The following KHDRBS2 variants were observed in gnomAD, a reference collection of about 807,000 sequenced individuals.
The protein encoded by KHDRBS2 is KH domain-containing, RNA-binding, signal transduction-associated protein 2.
A neutral mutation model predicts 44.3 loss-of-function variants in KHDRBS2; 26 were observed. That is an observed-to-expected ratio of 0.59 (90% confidence interval 0.43 to 0.81). The LOEUF is 0.81. Among genes scored for constraint, KHDRBS2 ranks in the 40% least tolerant of loss-of-function variants. KHDRBS2 has a pLI of 0.00. For missense variants in KHDRBS2, 476 were observed against 433.1 expected, an observed-to-expected ratio of 1.10 and a Z score of -0.88; for synonymous variants, 194 against 151.1, an observed-to-expected ratio of 1.28 and a Z score of -2.08.
chr6:62,207,532 A>G (rs1284611163), intron 1 of KHDRBS2, among the ~76,000 whole-genome samples: 1 of 152,152 alleles, frequency 6.6e-6, no homozygotes, highest in Non-Finnish European at 1.5e-5. Flanking sequence ...CTAAAGCCAA[A>G]GTAAAAATCC....
rs1583491359 is a variant in KHDRBS2 at position 61,916,268 on chromosome 6, A to G, written c.484-14897T>C. Among the ~76,000 whole-genome samples the G allele has an allele frequency of 2.0e-5, 3 of 152,170 alleles. No individual in the cohort carries two copies. In the South Asian group the frequency reaches 6.2e-4, roughly 32 times the overall value. On this transcript the variant is annotated intron_variant, in intron 4 of 8. Transcript: ENST00000281156. Reference sequence around the variant, plus strand: ...GAATTTTATACAGGCAAAGCTGTACATGTAAAGACAGAGAATTCTATTCTC... The same window carrying G: ...GAATTTTATACAGGCAAAGCTGTACGTGTAAAGACAGAGAATTCTATTCTC...
At chr6:62,213,660 G>T (rs1585233336) in intron 1 of KHDRBS2, among the ~76,000 whole-genome samples, 1 of 151,798 alleles carries the variant, frequency 6.6e-6, no homozygotes, top group Non-Finnish European at 1.5e-5. Context: ...GGATCACAAG[G>T]TCAGGAGATC....
chr6:61,749,118 T>G (rs900236963), intron 6 of KHDRBS2, among the ~76,000 whole-genome samples: 7 of 148,494 alleles, frequency 4.7e-5, no homozygotes, highest in African/African-American at 1.7e-4. Context: ...GTTCACACCA[T>G]TGTCCTGCTT....
At chr6:62,107,199 G>A (rs1453619470) in intron 2 of KHDRBS2, among the ~76,000 whole-genome samples, 2 of 151,990 alleles carry the variant, frequency 1.3e-5, no homozygotes, top group African/African-American at 4.8e-5. Flanking sequence ...AAACCCCATT[G>A]TCTCAGCCCA....
intron 3 of KHDRBS2, among the ~76,000 whole-genome samples, chr6:62,014,924 A>G (rs1420536433): frequency 3.3e-5 from 5 of 152,156 alleles, no homozygotes; most frequent in Non-Finnish European, 5.9e-5. Context: ...ACACAAAGAT[A>G]TATCTGCAAA....
At chr6:61,762,133 G>C (rs1303588407) in intron 6 of KHDRBS2, among the ~76,000 whole-genome samples, 1 of 152,118 alleles carries the variant, frequency 6.6e-6, no homozygotes, top group African/African-American at 2.4e-5. Context: ...CTTAGCATAA[G>C]TCAAGGACAC....
At chr6:61,767,227 G>C (rs1780146294) in intron 6 of KHDRBS2, among the ~76,000 whole-genome samples, 1 of 151,894 alleles carries the variant, frequency 6.6e-6, no homozygotes, top group Non-Finnish European at 1.5e-5. Context: ...GTCTTTTATA[G>C]TTATTGTCTT....
intron 6 of KHDRBS2, among the ~76,000 whole-genome samples, chr6:61,857,777 C>T (rs1796352882): frequency 6.6e-6 from 1 of 151,892 alleles, no homozygotes; most frequent in African/African-American, 2.4e-5. Flanking sequence ...GTGGCAACTC[C>T]TGCTCTCTGC....
At chr6:62,237,456 T>C (rs1488728694) in intron 1 of KHDRBS2, among the ~76,000 whole-genome samples, 1 of 152,142 alleles carries the variant, frequency 6.6e-6, no homozygotes, top group Admixed American at 6.6e-5. Context: ...AAATGCATAA[T>C]TGGATATAGA....
chr6:61,709,944 T>A (rs1770223733), intron 7 of KHDRBS2, among the ~76,000 whole-genome samples: 1 of 151,728 alleles, frequency 6.6e-6, no homozygotes, highest in South Asian at 2.1e-4. Context: ...CTAGTTGACT[T>A]TGCTACTGAA....
chr6:61,698,674 T>C (rs1768197879), intron 7 of KHDRBS2, among the ~76,000 whole-genome samples: 1 of 152,050 alleles, frequency 6.6e-6, no homozygotes, highest in Non-Finnish European at 1.5e-5. Context: ...GCTTACACCA[T>C]TTGTCCCCCC....
At chr6:62,050,276 C>T (rs1476964760) in intron 2 of KHDRBS2, among the ~76,000 whole-genome samples, 1 of 151,916 alleles carries the variant, frequency 6.6e-6, no homozygotes, top group Admixed American at 6.6e-5. Flanking sequence ...GGGAACATCA[C>T]ACACCAGGGC....
chr6:61,916,176 C>A (rs1292018179), intron 4 of KHDRBS2, among the ~76,000 whole-genome samples: 2 of 151,982 alleles, frequency 1.3e-5, no homozygotes, highest in Non-Finnish European at 2.9e-5. Flanking sequence ...TATGGCCTTG[C>A]TCTGAAAAGC....
At chr6:61,967,977 C>T (rs1376263675) in intron 4 of KHDRBS2, among the ~76,000 whole-genome samples, 3 of 148,774 alleles carry the variant, frequency 2.0e-5, no homozygotes, top group Admixed American at 6.8e-5. Context: ...CACACATGCA[C>T]ACACACACAT....
intron 1 of KHDRBS2, among the ~76,000 whole-genome samples, chr6:62,247,273 A>T (rs1835736728): frequency 6.6e-6 from 1 of 151,992 alleles, no homozygotes; most frequent in African/African-American, 2.4e-5. Flanking sequence ...TTAAAAGTAA[A>T]TAACATGAGA....
chr6:62,187,259 T>A (rs549822511), intron 1 of KHDRBS2, among the ~76,000 whole-genome samples: 2 of 152,154 alleles, frequency 1.3e-5, no homozygotes, highest in African/African-American at 4.8e-5. Flanking sequence ...ATTTTTCCAA[T>A]TGTACAGCAA....
At chr6:61,934,214 AT>A (rs1207413064) in intron 4 of KHDRBS2, among the ~76,000 whole-genome samples, 2 of 151,874 alleles carry the variant, frequency 1.3e-5, no homozygotes, top group Admixed American at 6.6e-5. Context: ...CCCTTGTCAG[AT>A]ATATACTTTG....
intron 6 of KHDRBS2, among the ~76,000 whole-genome samples, chr6:61,755,807 A>C (rs1778406430): frequency 6.6e-6 from 1 of 151,988 alleles, no homozygotes; most frequent in South Asian, 2.1e-4. Context: ...CTCAAAAAAA[A>C]AAAAAAAAAA....
chr6:61,794,013 A>G (rs1366258635), intron 6 of KHDRBS2, among the ~76,000 whole-genome samples: 1 of 152,206 alleles, frequency 6.6e-6, no homozygotes. Context: ...TGCTACCAAG[A>G]TAGGAACAAA....
Sources: gnomAD v4.1 joint callset for allele counts (sites outside exome capture counted in the v4.1 genomes callset) on GRCh38, gnomAD v4.1.1 for gene constraint, MANE v1.5 for transcripts, NCBI Gene and HGNC (gene_info 2026-07-23, HGNC 2026-07-21) for gene names.